KIZ: variants seen among roughly 807,000 people sequenced by gnomAD.
KIZ encodes the protein centrosomal protein kizuna.
KIZ carries 68 observed loss-of-function variants against 79.6 expected under a neutral mutation model. The observed-to-expected ratio is 0.85, with a 90% CI of 0.70 to 1.05. The LOEUF is 1.05. Ranked by LOEUF, KIZ falls within the 50% of genes least tolerant of loss-of-function variation. The pLI is 0.00. For synonymous variants in KIZ, 280 were observed against 281.8 expected (o/e 0.99, Z 0.06); for missense variants, 797 against 800.4 (o/e 1.00, Z 0.05).
At chr20:21,172,911 G>A (rs934417602) in intron 6 of KIZ, among the ~76,000 whole-genome samples, 1 of 152,188 alleles carries the variant, frequency 6.6e-6, no homozygotes, top group Non-Finnish European at 1.5e-5. Context: ...AGCATGCTAG[G>A]CAAAGGGAAC....
Position 21,162,707 on chromosome 20 carries a change from A to C in KIZ, c.1043-143A>C. 6.1e-6 allele frequency: 5 copies of C among 825,924 alleles called. No individual in the cohort carries two copies. In the South Asian group the frequency reaches 7.5e-5, roughly 12 times the overall value. 51.2% of individuals were successfully genotyped at this position (825,924 alleles called of 1,614,324 possible). A position where few individuals can be genotyped will look rare whatever the true frequency, so the allele number is the denominator to read the frequency against. On this transcript the variant is annotated intron_variant, in intron 5 of 12. Transcript: ENST00000619189. The stretch of plus-strand genomic sequence containing the variant: ...CTGTGATTTTTTTAAACATTTGAAA[A>C]CGTGTTTAAGCTTTTAAGTTCCGTA...
rs555524543 is a variant in KIZ, at chr20:21,140,909, T to TG, written c.315+4365dup. ...GTCTCAGCTGCTCAGGAATCTGAGA[T>TG]GGGGGGGGATCATTTGAGCCCAGGA... On this transcript the variant is annotated intron_variant, in intron 3 of 12. Transcript: ENST00000619189. Among the ~76,000 whole-genome samples the TG allele has an allele frequency of 1.0e-3, 158 of 151,536 alleles. 2 individuals carry two copies. The South Asian group carries it at 0.02, about 19-fold the overall frequency.
chr20:21,143,884 A>G (rs2032707165), intron 3 of KIZ, among the ~76,000 whole-genome samples: 1 of 152,160 alleles, frequency 6.6e-6, no homozygotes, highest in South Asian at 2.1e-4. Flanking sequence ...GAAAAAGAGA[A>G]CAAAGTATTT....
chr20:21,137,202 T>C (rs1252078880), intron 3 of KIZ, among the ~76,000 whole-genome samples: 1 of 152,220 alleles, frequency 6.6e-6, no homozygotes. Flanking sequence ...GCCTTTATGC[T>C]CCTGGTCTGT....
intron 2 of KIZ, among the ~76,000 whole-genome samples, chr20:21,133,495 CTGG>C (rs2031979482): frequency 6.6e-6 from 1 of 152,210 alleles, no homozygotes; most frequent in African/African-American, 2.4e-5. Context: ...TCCTGGCCTT[CTGG>C]TGGTGGGAGG....
In KIZ at chr20:21,232,788, C is replaced by T. The variant is rs1344428785; in HGVS notation, c.1838C>T (p.Ser613Leu). The change falls in exon 11 of 13, where the codon TCG (serine) becomes TTG (leucine). Residue 613 changes from serine (S) to leucine (L), a missense_variant. By Grantham distance (145) the Ser-to-Leu change is moderately radical. Coordinates refer to ENST00000619189, the MANE Select transcript of KIZ (RefSeq NM_018474.6). ...ACAAAGACAGCTAACAAAATTGCTT[C>T]GGAAGCTAGTTTTTCATCTAGTGAA... ...FETKTANKIASEASFSSSEGS... is the reference protein window; with the variant it reads ...FETKTANKIALEASFSSSEGS... 1.8e-5 allele frequency: 28 copies of T among 1,592,040 alleles called. No homozygotes were observed. The highest frequency in any genetic ancestry group is 5.2e-5 in the Admixed American group (3 of 57,716).
intron 3 of KIZ, among the ~76,000 whole-genome samples, chr20:21,142,004 A>C (rs1036190067): frequency 6.8e-6 from 1 of 146,484 alleles, no homozygotes; most frequent in Non-Finnish European, 1.5e-5. Flanking sequence ...TCTTGCCCCC[A>C]AATCTGTCTT....
intron 6 of KIZ, among the ~76,000 whole-genome samples, chr20:21,203,821 C>T (rs1488853156): frequency 3.9e-5 from 6 of 152,066 alleles, no homozygotes; most frequent in Non-Finnish European, 7.4e-5. Flanking sequence ...ATAAAATTAG[C>T]CATCTTAACC....
intron 7 of KIZ, among the ~76,000 whole-genome samples, chr20:21,207,690 GATGA>G (rs1392580272): frequency 6.6e-6 from 1 of 151,766 alleles, no homozygotes; most frequent in Non-Finnish European, 1.5e-5. Context: ...CTTCTTTGCT[GATGA>G]ATGTAGATCT....
chr20:21,245,854 A>G (rs548568296), intron 12 of KIZ: 1 of 152,320 alleles, frequency 6.6e-6, no homozygotes, highest in Non-Finnish European at 1.5e-5. Context: ...CACTGGGACA[A>G]TCTGGGGAGA....
chr20:21,135,836 A>G lies in KIZ; in HGVS notation c.153-554A>G, dbSNP rs1325080639. On this transcript the variant is annotated intron_variant, in intron 2 of 12. Coordinates refer to ENST00000619189, the MANE Select transcript of KIZ (RefSeq NM_018474.6). ...AGTTTTTTTCACAGTTGGAGTAATTATAGTCCATATATTATAAAATATTTT... is the reference window on the plus strand; with the variant it reads ...AGTTTTTTTCACAGTTGGAGTAATTGTAGTCCATATATTATAAAATATTTT... Among the ~76,000 whole-genome samples the G allele has an allele frequency of 3.3e-5, 5 of 152,196 alleles. No individual in the cohort carries two copies. In the East Asian group the frequency reaches 9.6e-4, roughly 29 times the overall value.
At chr20:21,126,042 G>A (rs996116676), upstream of KIZ, 3 of 1,409,422 alleles carry the variant, frequency 2.1e-6, no homozygotes, top group African/African-American at 3.0e-5. Context: ...GGTGCATGGT[G>A]GGGCGGTCTC....
At position 21,246,142 on chromosome 20, in the gene KIZ, G is replaced by A. The variant is rs146555175; in HGVS notation, c.1925-337G>A. 509 of 249,438 alleles carry A rather than the reference G, an allele frequency of 2.0e-3. 3 individuals are homozygous for A. Among genetic ancestry groups the A allele is most frequent in the African/African-American group, 0.011 (481 of 44,342 alleles). The allele number at this position is 249,438 out of a possible 1,614,324, so 15.5% of individuals were successfully genotyped here. On this transcript the variant is annotated intron_variant, in intron 12 of 12. Coordinates refer to ENST00000619189, the MANE Select transcript of KIZ (RefSeq NM_018474.6). ...AGTGGAGGGGCAGCTGAGGTGGGGC[G>A]GCATCAGGCTGATACAACACCCCAG...
intron 6 of KIZ, among the ~76,000 whole-genome samples, chr20:21,204,567 A>G (rs548572866): frequency 3.9e-5 from 6 of 152,194 alleles, no homozygotes; most frequent in Non-Finnish European, 7.4e-5. Flanking sequence ...AAATTGTCCC[A>G]TCTTTGACAG....
intron 11 of KIZ, among the ~76,000 whole-genome samples, chr20:21,233,311 T>C (rs2036896092): frequency 6.6e-6 from 1 of 152,260 alleles, no homozygotes; most frequent in Non-Finnish European, 1.5e-5. Flanking sequence ...TAATACTTTC[T>C]TGCTTATTTT....
At chr20:21,220,672 G>C (rs892729759) in intron 9 of KIZ, among the ~76,000 whole-genome samples, 1 of 151,920 alleles carries the variant, frequency 6.6e-6, no homozygotes, top group Non-Finnish European at 1.5e-5. Flanking sequence ...TAATAGAGAC[G>C]GTTTTGCCCC....
At chr20:21,169,348 TCAGAGAAATG>T (rs2034100527) in intron 6 of KIZ, among the ~76,000 whole-genome samples, 1 of 151,764 alleles carries the variant, frequency 6.6e-6, no homozygotes, top group African/African-American at 2.4e-5. Context: ...TCACTGGCCA[TCAGAGAAATG>T]CAAATCAAAA....
chr20:21,168,087 C>T (rs938881959), intron 6 of KIZ, among the ~76,000 whole-genome samples: 2 of 152,056 alleles, frequency 1.3e-5, no homozygotes, highest in African/African-American at 4.8e-5. Context: ...TACCCCACAA[C>T]AGGCCCCGGT....
intron 11 of KIZ, among the ~76,000 whole-genome samples, chr20:21,243,329 G>A (rs1163419238): frequency 6.6e-6 from 1 of 151,710 alleles, no homozygotes; most frequent in Non-Finnish European, 1.5e-5. Flanking sequence ...GTAAATTATA[G>A]CAAAACGTAG....
Sources: gnomAD v4.1 joint callset for allele counts (sites outside exome capture counted in the v4.1 genomes callset) on GRCh38, gnomAD v4.1.1 for gene constraint, MANE v1.5 for transcripts, NCBI Gene and HGNC (gene_info 2026-07-23, HGNC 2026-07-21) for gene names.